The following F8 variants were observed in gnomAD, a reference collection of about 807,000 sequenced individuals.
F8 encodes the protein coagulation factor VIII, also known as antihemophilic factor.
F8 carries 12 observed loss-of-function variants against 140.6 expected under a neutral mutation model. The observed-to-expected ratio is 0.09, with a 90% CI of 0.05 to 0.14. The LOEUF is 0.14. Ranked by LOEUF, F8 falls within the 10% of genes least tolerant of loss-of-function variation. The pLI, the probability that F8 is intolerant of heterozygous loss-of-function variation, is 1.00. For missense variants in F8, 1,354 were observed against 1,720.7 expected (o/e 0.79, Z 3.77); for synonymous variants, 585 against 614.6 (o/e 0.95, Z 0.71).
chrX:154,851,755 G>A (rs2072617132), intron 25 of F8, among the ~76,000 whole-genome samples: 1 of 111,124 alleles, frequency 9.0e-6, no homozygotes, highest in Non-Finnish European at 1.9e-5. Flanking sequence ...AAATTTGGTT[G>A]TCTTTCTGTT....
At chrX:155,012,693 G>A (rs1346934736) in intron 1 of F8, among the ~76,000 whole-genome samples, 3 of 108,323 alleles carry the variant, frequency 2.8e-5, no homozygotes, top group Non-Finnish European at 3.8e-5. Context: ...ATTAAAAATA[G>A]AATTCACAAT....
intron 1 of F8, among the ~76,000 whole-genome samples, chrX:155,014,719 T>C (rs1557286898): frequency 8.9e-6 from 1 of 112,230 alleles, no homozygotes; most frequent in East Asian, 2.8e-4. Context: ...ATACAATTAA[T>C]ATAATTCTTG....
intron 22 of F8, among the ~76,000 whole-genome samples, chrX:154,888,380 A>AT (rs782710109): frequency 0.024 from 526 of 22,143 alleles, 24 homozygotes; most frequent in East Asian, 0.037. Flanking sequence ...TGTAATAGGG[A>AT]TTTTTTTTTT....
At chrX:154,981,984 G>C (rs1557283642) in intron 6 of F8, among the ~76,000 whole-genome samples, 1 of 111,076 alleles carries the variant, frequency 9.0e-6, no homozygotes, top group Admixed American at 9.6e-5. Context: ...AGGAGTTCAA[G>C]ACCGGCCTGG....
intron 25 of F8, among the ~76,000 whole-genome samples, chrX:154,845,188 G>T (rs782255005): frequency 8.1e-4 from 91 of 111,751 alleles, no homozygotes; most frequent in African/African-American, 2.8e-3. Flanking sequence ...GCTGGATTTG[G>T]TTTGCCAGTA....
At chrX:154,985,438 A>G (rs1557284119) in intron 5 of F8, among the ~76,000 whole-genome samples, 2 of 111,539 alleles carry the variant, frequency 1.8e-5, no homozygotes, top group East Asian at 5.6e-4. Flanking sequence ...TCGATCTCAA[A>G]AAAAAAAGAA....
intron 12 of F8, among the ~76,000 whole-genome samples, chrX:154,951,562 T>C (rs1331534809): frequency 8.9e-6 from 1 of 112,282 alleles, no homozygotes; most frequent in Non-Finnish European, 1.9e-5. Flanking sequence ...TATTGTTGTG[T>C]ATAGCTTTAT....
At position 154,984,750 on chromosome X, in the gene F8, C is replaced by T. The variant is rs1461863255; in HGVS notation, c.724G>A (p.Ala242Thr). The change falls in exon 6 of 26, where the codon GCA becomes ACA. Residue 242 changes from alanine (A) to threonine (T), a missense_variant. Ala to Thr is a moderately conservative substitution (Grantham distance 58). Transcript: ENST00000360256. The part of the protein sequence containing the change: ...KNSLMQDRDA[A>T]SARAWPKMHT... ...ATTTTAGGCCAGGCCCGAGCAGATG[C>T]AGCATCCCTATCCTGCATCAAGGAG... 6 of 1,209,751 alleles carry T rather than the reference C, an allele frequency of 5.0e-6. No homozygotes were observed. The African/African-American group carries it at 8.8e-5, about 18-fold the overall frequency.
intron 16 of F8, 86 bp from the exon 17 acceptor site, chrX:154,904,610 C>A (rs1042640673): frequency 2.3e-6 from 2 of 877,295 alleles, no homozygotes; most frequent in Non-Finnish European, 3.3e-6. Flanking sequence ...TTATGCCAGT[C>A]CAACCTGCCT....
At chrX:154,965,827 A>G in intron 9 of F8, 143 bp downstream of exon 9, 2 of 568,046 alleles carry the variant, frequency 3.5e-6, no homozygotes, top group Non-Finnish European at 5.6e-6. Context: ...AATACATACA[A>G]TCAGCTATTA....
At chrX:154,842,088 T>C (rs1421858796) in intron 25 of F8, among the ~76,000 whole-genome samples, 4 of 111,909 alleles carry the variant, frequency 3.6e-5, no homozygotes, top group Non-Finnish European at 5.7e-5. Flanking sequence ...GAAAATTAGG[T>C]AAAATGGATT....
At chrX:154,998,361 T>C (rs1190110127) in intron 2 of F8, among the ~76,000 whole-genome samples, 1 of 113,282 alleles carries the variant, frequency 8.8e-6, no homozygotes, top group Non-Finnish European at 1.9e-5. Flanking sequence ...TTTGTGTCTC[T>C]GGACCTGCCA....
chrX:154,860,405 T>A lies in F8; in HGVS notation c.6900+27A>T, dbSNP rs782354758. ...AGAGGTGGTATTTTTTTTCTTTCTTTCTTTCTTTCCAAGGAGACCAGCTTA... is the reference window on the plus strand; with the variant it reads ...AGAGGTGGTATTTTTTTTCTTTCTTACTTTCTTTCCAAGGAGACCAGCTTA... On this transcript the variant is annotated intron_variant, in intron 25 of 25. Coordinates refer to ENST00000360256, the MANE Select transcript of F8 (RefSeq NM_000132.4). 3 of 1,205,269 alleles carry A rather than the reference T, an allele frequency of 2.5e-6. No individual in the cohort carries two copies. The South Asian group carries it at 5.3e-5, about 21-fold the overall frequency.
At chrX:154,942,948 C>T (rs1557279973) in intron 13 of F8, among the ~76,000 whole-genome samples, 1 of 108,761 alleles carries the variant, frequency 9.2e-6, no homozygotes, top group East Asian at 2.8e-4. Context: ...GCAGAAAAGG[C>T]CTTTGACAAA....
rs782659581 is a variant in F8 at position 154,993,093 on chromosome X, G to A, written c.444C>T (p.Phe148=). ...SQREKEDDKV[F]PGGSHTYVWQ... is the part of the protein sequence containing the mutation. Reference sequence around the variant, plus strand: ...AGACATATGTATGGCTTCCACCAGGGAAGACTTTATCATCTTCTTTCTCCC... The same window carrying A: ...AGACATATGTATGGCTTCCACCAGGAAAGACTTTATCATCTTCTTTCTCCC... Residue 148 remains phenylalanine, a synonymous_variant, in exon 4 of 26, where the codon TTC becomes TTT. Transcript: ENST00000360256. The A allele has an allele frequency of 5.0e-6, 6 of 1,210,230 alleles. No homozygotes were observed. The Admixed American group carries it at 1.3e-4, about 26-fold the overall frequency.
At chrX:154,942,364 T>A (rs1296419229) in intron 13 of F8, among the ~76,000 whole-genome samples, 1 of 110,114 alleles carries the variant, frequency 9.1e-6, no homozygotes, top group Non-Finnish European at 1.9e-5. Flanking sequence ...AAATACAAAC[T>A]ACCATCAGAG....
chrX:154,964,215 T>G (rs943201928), intron 9 of F8, among the ~76,000 whole-genome samples: 15 of 111,611 alleles, frequency 1.3e-4, no homozygotes, highest in African/African-American at 4.2e-4. Context: ...AAATTTACAT[T>G]TTATTGCATG....
chrX:155,001,112 T>G (rs2073643903), intron 1 of F8, among the ~76,000 whole-genome samples: 1 of 111,165 alleles, frequency 9.0e-6, no homozygotes, highest in Admixed American at 9.6e-5. Context: ...TCATTGTTCC[T>G]TTCAGGAGCA....
rs139451429 is a variant in F8, at chrX:154,929,954, C to T, written c.3836G>A (p.Arg1279Lys). The T allele has an allele frequency of 3.2e-5, 39 of 1,209,200 alleles. 1 individual carries two copies. The African/African-American group carries it at 4.2e-4, about 13-fold the overall frequency. ...GAAATGAGCTGTGTGTTTCTTTGTTCTATTTGTTGAATCATTTAATGACCT... is the reference window on the plus strand; with the variant it reads ...GAAATGAGCTGTGTGTTTCTTTGTTTTATTTGTTGAATCATTTAATGACCT... ...DFRSLNDSTN[R>K]TKKHTAHFSK... is the part of the protein sequence containing the mutation. The change falls in exon 14 of 26, where the codon AGA becomes AAA. Residue 1279 changes from arginine to lysine, a missense_variant. Physicochemically the swap from Arg to Lys is conservative, Grantham distance 26 (BLOSUM62 2). Coordinates refer to ENST00000360256, the MANE Select transcript of F8 (RefSeq NM_000132.4).
Sources: gnomAD v4.1 joint callset for allele counts (sites outside exome capture counted in the v4.1 genomes callset) on GRCh38, gnomAD v4.1.1 for gene constraint, MANE v1.5 for transcripts, NCBI Gene and HGNC (gene_info 2026-07-23, HGNC 2026-07-21) for gene names.